Variants in ERICH1 observed in about 807,000 individuals in gnomAD.
The protein encoded by ERICH1 is glutamate rich 1, also known as glutamate-rich protein 1.
ERICH1 carries 56 observed loss-of-function variants against 39.6 expected under a neutral mutation model. The ratio of observed to expected loss-of-function variants is 1.41; its 90% confidence interval spans 1.14 to 1.77. The LOEUF (loss-of-function observed/expected upper bound fraction) is 1.77, where lower values mean the gene tolerates loss of function less well. Among genes scored for constraint, ERICH1 ranks in the 40% most tolerant of loss-of-function variants. The probability of loss-of-function intolerance (pLI) is 0.00; values close to 1 mark genes in which losing one functional copy is unlikely to be tolerated. For missense variants in ERICH1, 826 were observed against 575.4 expected (o/e 1.44, Z -4.45); for synonymous variants, 313 against 223.6 (o/e 1.40, Z -3.57).
chr8:729,912 G>C (rs1222095653), intron 1 of ERICH1, among the ~76,000 whole-genome samples: 2 of 152,050 alleles, frequency 1.3e-5, no homozygotes, highest in Non-Finnish European at 2.9e-5. Context: ...GCAAACATTT[G>C]AAGGAATGTA....
chr8:649,468 G>C (rs1266755989), intron 3 of ERICH1, among the ~76,000 whole-genome samples: 1 of 152,352 alleles, frequency 6.6e-6, no homozygotes, highest in East Asian at 1.9e-4. Flanking sequence ...CAAGCACAGA[G>C]AATTCCAGGG....
At chr8:729,951 A>G (rs1307327240) in intron 1 of ERICH1, among the ~76,000 whole-genome samples, 2 of 152,182 alleles carry the variant, frequency 1.3e-5, no homozygotes. Context: ...GTTTAAAACA[A>G]GGAGAAAACC....
At chr8:713,153 T>C (rs1002707495) in intron 2 of ERICH1, among the ~76,000 whole-genome samples, 1 of 152,230 alleles carries the variant, frequency 6.6e-6, no homozygotes, top group Non-Finnish European at 1.5e-5. Flanking sequence ...TGGACACCAG[T>C]AATACTGGAT....
intron 4 of ERICH1, among the ~76,000 whole-genome samples, chr8:670,610 A>C (rs551407639): frequency 9.6e-4 from 146 of 152,184 alleles, no homozygotes; most frequent in Non-Finnish European, 1.7e-3. Context: ...TCCTCATCTC[A>C]TCAGCACCTC....
At chr8:656,057 C>G (rs1206561649) in intron 3 of ERICH1, among the ~76,000 whole-genome samples, 3 of 152,080 alleles carry the variant, frequency 2.0e-5, no homozygotes, top group Non-Finnish European at 4.4e-5. Flanking sequence ...AAGACTTCCC[C>G]AAATCAGGCT....
At chr8:653,293 G>C (rs1340415156) in intron 3 of ERICH1, among the ~76,000 whole-genome samples, 1 of 152,262 alleles carries the variant, frequency 6.6e-6, no homozygotes, top group Non-Finnish European at 1.5e-5. Flanking sequence ...CTATGTTTGA[G>C]TCCTTGTGGA....
chr8:699,159 G>A (rs1219102957), intron 2 of ERICH1, among the ~76,000 whole-genome samples: 1 of 152,030 alleles, frequency 6.6e-6, no homozygotes, highest in Non-Finnish European at 1.5e-5. Context: ...GAAACTCCCC[G>A]TGCATTTGGC....
At chr8:656,624 C>G (rs544359933) in intron 3 of ERICH1, 2 of 486,458 alleles carry the variant, frequency 4.1e-6, no homozygotes, top group Non-Finnish European at 5.4e-6. Context: ...GGGCTTGCCC[C>G]TGGGACCCTG....
chr8:693,223 GAC>G (rs775777728), intron 2 of ERICH1, among the ~76,000 whole-genome samples: 1 of 151,646 alleles, frequency 6.6e-6, no homozygotes, highest in Admixed American at 6.6e-5. Context: ...CATGTACAGA[GAC>G]ACACAGAGAG....
intron 1 of ERICH1, among the ~76,000 whole-genome samples, chr8:719,254 C>T (rs886929357): frequency 2.0e-5 from 3 of 152,242 alleles, no homozygotes; most frequent in African/African-American, 7.2e-5. Flanking sequence ...AGCGGGCTCC[C>T]ACATCGACCA....
chr8:664,733 A>T (rs1801931689), intron 5 of ERICH1, 57 bp from the exon 6 acceptor site: 1 of 1,446,072 alleles, frequency 6.9e-7, no homozygotes, highest in African/African-American at 1.4e-5. Flanking sequence ...GAAAAATCAT[A>T]AGTTATTATT....
intron 3 of ERICH1, among the ~76,000 whole-genome samples, chr8:688,283 CCCG>C (rs1808021474): frequency 6.8e-6 from 1 of 147,854 alleles, no homozygotes; most frequent in African/African-American, 2.5e-5. Flanking sequence ...CCGTCCCCGC[CCCG>C]CCCCGGCCCT....
intron 1 of ERICH1, among the ~76,000 whole-genome samples, chr8:730,014 C>A (rs1819626475): frequency 6.6e-6 from 1 of 152,158 alleles, no homozygotes; most frequent in Non-Finnish European, 1.5e-5. Context: ...TTGCAGGCAG[C>A]TGACCGTCAG....
At chr8:687,772 G>C (rs970748386) in intron 3 of ERICH1, among the ~76,000 whole-genome samples, 9 of 152,108 alleles carry the variant, frequency 5.9e-5, no homozygotes, top group African/African-American at 1.7e-4. Flanking sequence ...GGCCCTAGCC[G>C]AGGCCGTAGT....
At chr8:685,359 T>C (rs1807086272) in intron 3 of ERICH1, among the ~76,000 whole-genome samples, 1 of 152,214 alleles carries the variant, frequency 6.6e-6, no homozygotes, top group Admixed American at 6.5e-5. Flanking sequence ...TCCTGTTCTT[T>C]TGTCAAGATG....
chr8:701,963 G>A (rs1020114357), intron 2 of ERICH1, among the ~76,000 whole-genome samples: 8 of 151,572 alleles, frequency 5.3e-5, no homozygotes, highest in African/African-American at 1.2e-4. Flanking sequence ...GGTGGCGGGC[G>A]CTACTCGGGA....
chr8:641,005 C>T (rs899737640), intron 3 of ERICH1: 3 of 152,284 alleles, frequency 2.0e-5, no homozygotes, highest in East Asian at 1.9e-4. Flanking sequence ...TTCTGCCTCA[C>T]GTGGGATTCG....
chr8:650,631 C>T (rs1267297505), intron 3 of ERICH1, among the ~76,000 whole-genome samples: 1 of 152,184 alleles, frequency 6.6e-6, no homozygotes, highest in Admixed American at 6.5e-5. Flanking sequence ...ATTCCAGAGC[C>T]GGCACCGTGC....
At chr8:656,028 C>T (rs1408426857) in intron 3 of ERICH1, among the ~76,000 whole-genome samples, 1 of 152,078 alleles carries the variant, frequency 6.6e-6, no homozygotes, top group Non-Finnish European at 1.5e-5. Flanking sequence ...TGTCTCTGTG[C>T]CTGCAGACTC....
Sources: allele counts gnomAD v4.1 joint callset (sites outside exome capture counted in the v4.1 genomes callset), GRCh38; gene constraint gnomAD v4.1.1; transcripts MANE v1.5; gene names NCBI Gene and HGNC (gene_info 2026-07-23, HGNC 2026-07-21).